ATOH8: variants seen among roughly 807,000 people sequenced by gnomAD.
ATOH8 encodes atonal bHLH transcription factor 8.
In ATOH8, 9 loss-of-function variants were observed where a neutral mutation model predicts 21.2. That is an observed-to-expected ratio of 0.42 (90% CI 0.26 to 0.74). The LOEUF (loss-of-function observed/expected upper bound fraction) is 0.74. Among genes scored for constraint, ATOH8 ranks in the 30% least tolerant of loss-of-function variants. The pLI, the probability that ATOH8 is intolerant of heterozygous loss-of-function variation, is 0.24. For missense variants in ATOH8, 524 were observed against 470.9 expected (o/e 1.11, Z -1.04); for synonymous variants, 253 against 224.0 (o/e 1.13, Z -1.16).
chr2:85,759,167 C>T lies in ATOH8; in HGVS notation c.768+4210C>T, dbSNP rs998834894. Among the ~76,000 whole-genome samples, 4 of 152,168 alleles carry T rather than the reference C, an allele frequency of 2.6e-5. 1 individual carries two copies. The highest frequency in any genetic ancestry group is 4.1e-4 in the South Asian group (2 of 4,830). On this transcript the variant is annotated intron_variant, in intron 1 of 2. Coordinates refer to ENST00000306279, the MANE Select transcript of ATOH8 (RefSeq NM_032827.7). ...GAACTCAGGGTGGCCCTGGAGAGGG[C>T]GTGGGAATGGTGCCCTCAGCACCTC...
Position 85,789,150 on chromosome 2 carries a change from G to A in ATOH8, c.*2260G>A, listed in dbSNP as rs114336106. Among the ~76,000 whole-genome samples the A allele has an allele frequency of 1.6e-3, 237 of 152,172 alleles. No individual in the cohort carries two copies. The highest frequency in any genetic ancestry group is 5.4e-3 in the African/African-American group (225 of 41,512). On this transcript the variant is annotated 3_prime_UTR_variant, in exon 3 of 3. Transcript: ENST00000306279. The stretch of plus-strand genomic sequence containing the variant: ...AGTGTACCCCATTCTGCTGCCAAGG[G>A]AGCAAACCCATGGCCTTACCACCCA...
rs757029168 is a variant in ATOH8, at chr2:85,766,865, C to T, written c.960+2683C>T. Among the ~76,000 whole-genome samples the T allele has an allele frequency of 6.6e-6, 1 of 152,172 alleles. No homozygotes were observed. Among genetic ancestry groups the T allele is most frequent in the Non-Finnish European group, 1.5e-5 (1 of 68,038 alleles). ...GGCTCACACTGTTCCCCTCTTTATC[C>T]GCTCTCTTGGTGGGGATGTGTGGCC... On this transcript the variant is annotated intron_variant, in intron 2 of 2. Transcript: ENST00000306279. The surrounding 1 kb of genome is among the most constrained non-coding windows in gnomAD (Gnocchi z 4.0).
Position 85,789,946 on chromosome 2 carries a change from C to T in ATOH8, c.*3056C>T, listed in dbSNP as rs761063261. Among the ~76,000 whole-genome samples, 2 of 146,282 alleles carry T rather than the reference C, an allele frequency of 1.4e-5. No individual in the cohort carries two copies. The highest frequency in any genetic ancestry group is 3.0e-5 in the Non-Finnish European group (2 of 67,028). On this transcript the variant is annotated 3_prime_UTR_variant, in exon 3 of 3. Coordinates refer to ENST00000306279, the MANE Select transcript of ATOH8 (RefSeq NM_032827.7). ...GTTCGTATGCACACACATGCATACT[C>T]TCTCTCATGGGCACATGCATACCCA...
chr2:85,754,698 C>A lies in ATOH8; in HGVS notation c.509C>A (p.Ala170Glu). 1 of 1,606,882 alleles carries A rather than the reference C, an allele frequency of 6.2e-7. No homozygotes were observed. Among genetic ancestry groups the A allele is most frequent in the Non-Finnish European group, 8.5e-7 (1 of 1,177,084 alleles). ...PARPAPSAPP[A>E]PPAPPESTVR... is the part of the protein sequence containing the mutation. The stretch of plus-strand genomic sequence containing the variant: ...CGCCCCGCGCCGTCAGCACCCCCAG[C>A]ACCGCCAGCGCCCCCGGAGTCCACT... The change falls in exon 1 of 3, where the codon GCA (alanine) becomes GAA (glutamate). Residue 170 changes from alanine (A) to glutamate (E), a missense_variant. Physicochemically the swap from Ala to Glu is moderately radical, Grantham distance 107. Coordinates refer to ENST00000306279, the MANE Select transcript of ATOH8 (RefSeq NM_032827.7).
At position 85,764,136 on chromosome 2, in the gene ATOH8, G is replaced by A. The variant is rs372705499; in HGVS notation, c.914G>A (p.Arg305His). ...CTCAGCTTCTCCGAGTGTGTGCAGCGCTGCACCCGCACCCTGCAGGCCGAG... is the reference window on the plus strand; with the variant it reads ...CTCAGCTTCTCCGAGTGTGTGCAGCACTGCACCCGCACCCTGCAGGCCGAG... ...SNLSFSECVQRCTRTLQAEGR... is the reference protein window; with the variant it reads ...SNLSFSECVQHCTRTLQAEGR... Residue 305 changes from arginine to histidine, a missense_variant, in exon 2 of 3, where the codon CGC becomes CAC. By Grantham distance (29) the Arg-to-His change is conservative (BLOSUM62 0). Transcript: ENST00000306279. The A allele has an allele frequency of 9.9e-6, 16 of 1,614,028 alleles. No individual in the cohort carries two copies. The highest frequency in any genetic ancestry group is 2.2e-5 in the East Asian group (1 of 44,880).
intron 2 of ATOH8, chr2:85,772,642 A>AC: frequency 2.2e-6 from 1 of 452,238 alleles, no homozygotes; most frequent in South Asian, 1.6e-5. Flanking sequence ...TCAGGATACA[A>AC]CAGCGCGAGC....
rs572863198 is a variant in ATOH8 at position 85,758,564 on chromosome 2, A to G, written c.768+3607A>G. ...CCTGTCTAATGTCCTGGAGCCATCTACCCTCAGCATGAGGAAGCCAGACAG... is the reference window on the plus strand; with the variant it reads ...CCTGTCTAATGTCCTGGAGCCATCTGCCCTCAGCATGAGGAAGCCAGACAG... On this transcript the variant is annotated intron_variant, in intron 1 of 2. Transcript: ENST00000306279. Among the ~76,000 whole-genome samples the G allele has an allele frequency of 2.6e-5, 4 of 152,280 alleles. No individual in the cohort carries two copies. The South Asian group carries it at 8.3e-4, about 32-fold the overall frequency.
rs978877912 is a variant in ATOH8 at position 85,766,302 on chromosome 2, G to C, written c.960+2120G>C. Among the ~76,000 whole-genome samples the C allele has an allele frequency of 6.6e-6, 1 of 152,002 alleles. No individual in the cohort carries two copies. On this transcript the variant is annotated intron_variant, in intron 2 of 2. Coordinates refer to ENST00000306279, the MANE Select transcript of ATOH8 (RefSeq NM_032827.7). The surrounding 1 kb of genome is among the most constrained non-coding windows in gnomAD (Gnocchi z 4.0). ...TTGGGGGTCGAGATGGAAGTTCCAG[G>C]GTAGGAACTCGACTGTTTCCTCTCC...
chr2:85,780,946 G>T (rs1680470267), intron 2 of ATOH8: 23 of 987,358 alleles, frequency 2.3e-5, no homozygotes, highest in Non-Finnish European at 2.8e-5. Flanking sequence ...GAGGCCGACT[G>T]GTCCATACTT....
At chr2:85,772,750 C>A (rs777693967) in intron 2 of ATOH8, 1 of 456,886 alleles carries the variant, frequency 2.2e-6, no homozygotes, top group Non-Finnish European at 4.4e-6. Context: ...TAAAAGTTGG[C>A]GGCTGGAATT....
intron 1 of ATOH8, among the ~76,000 whole-genome samples, chr2:85,760,092 G>A (rs2104499688): frequency 1.3e-5 from 2 of 152,140 alleles, no homozygotes; most frequent in Non-Finnish European, 2.9e-5. Flanking sequence ...TGCTCTTCAT[G>A]TTTTTTCATG....
chr2:85,777,818 T>G (rs900104697), intron 2 of ATOH8, among the ~76,000 whole-genome samples: 33 of 152,334 alleles, frequency 2.2e-4, no homozygotes, highest in African/African-American at 7.5e-4. Flanking sequence ...TCTAAACGCT[T>G]AGTAAACATT....
intron 2 of ATOH8, chr2:85,783,651 C>T (rs1420082581): frequency 6.6e-6 from 1 of 152,132 alleles, no homozygotes; most frequent in Non-Finnish European, 1.5e-5. Context: ...GTAAGCCGGA[C>T]CCAGAGCCTT....
At chr2:85,763,884 T>A in intron 1 of ATOH8, 107 bp from the exon 2 acceptor site, 1 of 908,960 alleles carries the variant, frequency 1.1e-6, no homozygotes, top group Non-Finnish European at 1.7e-6. Context: ...GAGCAGATCA[T>A]AAGATTAGGG....
At chr2:85,768,368 C>T (rs1266557479) in intron 2 of ATOH8, among the ~76,000 whole-genome samples, 1 of 152,158 alleles carries the variant, frequency 6.6e-6, no homozygotes, top group East Asian at 1.9e-4. Context: ...TGCATGTTAG[C>T]TGGGGTTTAA....
rs913110533 is a variant in ATOH8, at chr2:85,787,507, C to T, written c.*617C>T. 6.5e-6 allele frequency: 1 copy of T among 153,104 alleles called. No homozygotes were observed. The highest frequency in any genetic ancestry group is 1.5e-5 in the Non-Finnish European group (1 of 68,382). 9.5% of individuals were successfully genotyped at this position (153,104 alleles called of 1,614,324 possible). On this transcript the variant is annotated 3_prime_UTR_variant, in exon 3 of 3. Transcript: ENST00000306279. ...GGGACCTGAGATCCCTGCCCACTCT[C>T]TCCCCTTCATTGGCTGCCCAGGCCA...
chr2:85,775,068 T>G (rs1034250088), intron 2 of ATOH8: 2 of 968,118 alleles, frequency 2.1e-6, no homozygotes, highest in Non-Finnish European at 2.5e-6. Context: ...AACTCTATTA[T>G]GTGATATATT....
In ATOH8 at chr2:85,789,235, C is replaced by A. The variant is rs1680703177; in HGVS notation, c.*2345C>A. Among the ~76,000 whole-genome samples the A allele has an allele frequency of 6.6e-6, 1 of 152,156 alleles. No individual in the cohort carries two copies. Among genetic ancestry groups the A allele is most frequent in the Admixed American group, 6.5e-5 (1 of 15,268 alleles). On this transcript the variant is annotated 3_prime_UTR_variant, in exon 3 of 3. Coordinates refer to ENST00000306279, the MANE Select transcript of ATOH8 (RefSeq NM_032827.7). ...TGCATACATACTTCATTACATGTTT[C>A]CCTTTCATTCTGAAGCATCATTGAT...
chr2:85,762,547 A>G (rs571821324), intron 1 of ATOH8, among the ~76,000 whole-genome samples: 5 of 152,316 alleles, frequency 3.3e-5, no homozygotes, highest in African/African-American at 9.6e-5. Flanking sequence ...GAGCCACAGT[A>G]TGGGCAGTTA....
Sources: gnomAD v4.1 joint callset for allele counts (sites outside exome capture counted in the v4.1 genomes callset) on GRCh38, gnomAD v4.1.1 for gene constraint, Gnocchi (gnomAD v3.1) non-coding constraint, MANE v1.5 for transcripts, NCBI Gene and HGNC (gene_info 2026-07-23, HGNC 2026-07-21) for gene names.